CEACAM5: variants seen among roughly 807,000 people sequenced by gnomAD.
The protein encoded by CEACAM5 is cell adhesion molecule CEACAM5.
In CEACAM5, 52 loss-of-function variants were observed where a neutral mutation model predicts 63.0. The observed-to-expected ratio is 0.83, with a 90% CI of 0.66 to 1.04. The LOEUF is 1.04. Among genes scored for constraint, CEACAM5 ranks in the 50% least tolerant of loss-of-function variants. The pLI, the probability that CEACAM5 is intolerant of heterozygous loss-of-function variation, is 0.00. For synonymous variants in CEACAM5, 357 were observed against 351.3 expected (o/e 1.02, Z -0.18); for missense variants, 790 against 864.8 (o/e 0.91, Z 1.08).
chr19:41,728,983 A>T (rs1369894431), intron 9 of CEACAM5, among the ~76,000 whole-genome samples: 1 of 152,090 alleles, frequency 6.6e-6, no homozygotes, highest in African/African-American at 2.4e-5. Flanking sequence ...GTGATGTTAA[A>T]CCTTCTCTAA....
intron 2 of CEACAM5, among the ~76,000 whole-genome samples, chr19:41,712,779 A>G (rs935665090): frequency 3.9e-5 from 6 of 152,250 alleles, no homozygotes; most frequent in African/African-American, 1.4e-4. Context: ...AATTGATCTT[A>G]GATCTTTAGG....
chr19:41,716,663 G>C (rs1198423154), intron 4 of CEACAM5, among the ~76,000 whole-genome samples: 1 of 152,210 alleles, frequency 6.6e-6, no homozygotes, highest in Non-Finnish European at 1.5e-5. Flanking sequence ...ACCCACACTT[G>C]GAGAAATCAG....
intron 2 of CEACAM5, among the ~76,000 whole-genome samples, chr19:41,711,652 C>T (rs1555814092): frequency 6.6e-6 from 1 of 152,166 alleles, no homozygotes; most frequent in Non-Finnish European, 1.5e-5. Context: ...AGCCAAGGGA[C>T]TCCTAGTCCT....
intron 2 of CEACAM5, 137 bp from the exon 3 acceptor site, chr19:41,714,834 T>C: frequency 1.4e-6 from 2 of 1,463,702 alleles, no homozygotes; most frequent in Non-Finnish European, 1.8e-6. Flanking sequence ...GCATCTGTCT[T>C]GTGACACATG....
At chr19:41,718,693 T>C (rs1555815577) in intron 6 of CEACAM5, among the ~76,000 whole-genome samples, 2 of 152,228 alleles carry the variant, frequency 1.3e-5, no homozygotes, top group African/African-American at 2.4e-5. Context: ...AAGTTGCTCC[T>C]CTCTGTCACC....
intron 4 of CEACAM5, 59 bp downstream of exon 4, chr19:41,715,963 AAAC>A: frequency 6.3e-7 from 1 of 1,575,096 alleles, no homozygotes; most frequent in East Asian, 2.2e-5. Flanking sequence ...TCTGGTTTTC[AAAC>A]AAGAGCCAGG....
In CEACAM5 at chr19:41,720,904, T is replaced by C; in HGVS notation, c.1772-18T>C. On this transcript the variant is annotated intron_variant, in intron 7 of 9. Coordinates refer to ENST00000221992, the MANE Select transcript of CEACAM5 (RefSeq NM_004363.6). Reference sequence around the variant, plus strand: ...TCCTCTGATGACATCACCTGTGGCTTTGTTCTCTTTGTTCCAGATGGGCCG... The same window carrying C: ...TCCTCTGATGACATCACCTGTGGCTCTGTTCTCTTTGTTCCAGATGGGCCG... The C allele has an allele frequency of 6.2e-7, 1 of 1,613,678 alleles. No homozygotes were observed. Among genetic ancestry groups the C allele is most frequent in the Non-Finnish European group, 8.5e-7 (1 of 1,179,756 alleles).
Position 41,715,082 on chromosome 19 carries a change from G to C in CEACAM5, c.536G>C (p.Trp179Ser), listed in dbSNP as rs782288851. The C allele has an allele frequency of 2.2e-5, 36 of 1,614,054 alleles. No individual in the cohort carries two copies. The highest frequency in any genetic ancestry group is 3.1e-5 in the Non-Finnish European group (36 of 1,180,030). Residue 179 changes from tryptophan to serine, a missense_variant, in exon 3 of 10, where the codon TGG becomes TCG. Physicochemically the swap from Trp to Ser is radical, Grantham distance 177. Transcript: ENST00000221992. ...ACTCAGGACGCAACCTACCTGTGGTGGGTAAACAATCAGAGCCTCCCGGTC... is the reference window on the plus strand; with the variant it reads ...ACTCAGGACGCAACCTACCTGTGGTCGGTAAACAATCAGAGCCTCCCGGTC... ...PETQDATYLW[W>S]VNNQSLPVSP...
rs782710346 is a variant in CEACAM5, at chr19:41,717,711, C to T, written c.1215C>T (p.Asp405=). The stretch of plus-strand genomic sequence containing the variant: ...ACGAATTAAGTGTTGACCACAGCGA[C>T]CCAGTCATCCTGAATGTCCTCTGTG... ...IQNELSVDHS[D]PVILNVLYGP... Residue 405 remains aspartate (D), a synonymous_variant, in exon 5 of 10, where the codon GAC becomes GAT. Coordinates refer to ENST00000221992, the MANE Select transcript of CEACAM5 (RefSeq NM_004363.6). 2 of 1,614,126 alleles carry T rather than the reference C, an allele frequency of 1.2e-6. No homozygotes were observed. The highest frequency in any genetic ancestry group is 2.2e-5 in the East Asian group (1 of 44,884).
chr19:41,722,103 C>A (rs1232941410), intron 8 of CEACAM5, among the ~76,000 whole-genome samples: 1 of 152,012 alleles, frequency 6.6e-6, no homozygotes, highest in Non-Finnish European at 1.5e-5. Context: ...GCATAAATAT[C>A]AATCAAGTAT....
In CEACAM5 at chr19:41,715,101, C is replaced by T; in HGVS notation, c.555C>T (p.Leu185=). The change falls in exon 3 of 10, where the codon CTC becomes CTT. Residue 185 remains leucine, a synonymous_variant. Coordinates refer to ENST00000221992, the MANE Select transcript of CEACAM5 (RefSeq NM_004363.6). ...TGTGGTGGGTAAACAATCAGAGCCTCCCGGTCAGTCCCAGGCTGCAGCTGT... is the reference window on the plus strand; with the variant it reads ...TGTGGTGGGTAAACAATCAGAGCCTTCCGGTCAGTCCCAGGCTGCAGCTGT... ...TYLWWVNNQS[L]PVSPRLQLSN... is the part of the protein sequence containing the mutation. The T allele has an allele frequency of 1.9e-6, 3 of 1,614,182 alleles. No individual in the cohort carries two copies. The highest frequency in any genetic ancestry group is 2.5e-6 in the Non-Finnish European group (3 of 1,180,032).
At chr19:41,717,797 G>A in intron 5 of CEACAM5, 64 bp downstream of exon 5, 2 of 1,578,358 alleles carry the variant, frequency 1.3e-6, no homozygotes, top group South Asian at 1.2e-5. Flanking sequence ...CCAAAGTCCA[G>A]GCCTCTCAGT....
chr19:41,714,942 G>C, intron 2 of CEACAM5, 29 bp from the exon 3 acceptor site: 5 of 1,613,738 alleles, frequency 3.1e-6, no homozygotes, highest in Non-Finnish European at 4.2e-6. Context: ...GTGCCACACA[G>C]GGCAATCTTC....
rs1390017294 is a variant in CEACAM5 at position 41,710,032 on chromosome 19, G to T, written c.417G>T (p.Arg139=). ...LVNEEATGQF[R]VYPELPKPSI... Reference sequence around the variant, plus strand: ...ATGAAGAAGCAACTGGCCAGTTCCGGGTATACCGTGAGTGATTCCCCCATG... The same window carrying T: ...ATGAAGAAGCAACTGGCCAGTTCCGTGTATACCGTGAGTGATTCCCCCATG... The change falls in exon 2 of 10, where the codon CGG becomes CGT. Residue 139 remains arginine, a synonymous_variant. Transcript: ENST00000221992. 2.5e-6 allele frequency: 4 copies of T among 1,597,652 alleles called. No individual in the cohort carries two copies. Among genetic ancestry groups the T allele is most frequent in the Non-Finnish European group, 1.7e-6 (2 of 1,171,544 alleles).
At chr19:41,721,921 G>A (rs974394370) in intron 8 of CEACAM5, among the ~76,000 whole-genome samples, 2 of 152,348 alleles carry the variant, frequency 1.3e-5, no homozygotes, top group Non-Finnish European at 2.9e-5. Context: ...AGGAAAGTGA[G>A]TGACACACAC....
In CEACAM5 at chr19:41,715,871, A is replaced by G. The variant is rs782392674; in HGVS notation, c.925A>G (p.Asn309Asp). The G allele has an allele frequency of 1.9e-6, 3 of 1,614,180 alleles. No homozygotes were observed. Among genetic ancestry groups the G allele is most frequent in the Non-Finnish European group, 2.5e-6 (3 of 1,180,014 alleles). ...CQAHNSDTGL[N>D]RTTVTTITVY... ...AGCCCATAACTCAGACACTGGCCTC[A>G]ATAGGACCACAGTCACGACGATCAC... is the stretch of plus-strand genomic sequence containing the variant. The change falls in exon 4 of 10, where the codon AAT becomes GAT. Residue 309 changes from asparagine (N) to aspartate (D), a missense_variant. Transcript: ENST00000221992.
intron 2 of CEACAM5, among the ~76,000 whole-genome samples, chr19:41,711,623 C>T (rs368998659): frequency 9.9e-5 from 15 of 152,212 alleles, no homozygotes; most frequent in African/African-American, 3.4e-4. Context: ...TTTCAAGGCT[C>T]CCTGGTCCTG....
rs1555815303 is a variant in CEACAM5, at chr19:41,717,668, A to G, written c.1172A>G (p.Tyr391Cys). The G allele has an allele frequency of 1.9e-6, 3 of 1,614,088 alleles. No homozygotes were observed. Among genetic ancestry groups the G allele is most frequent in the South Asian group, 2.2e-5 (2 of 91,090 alleles). The change falls in exon 5 of 10, where the codon TAT becomes TGT. Residue 391 changes from tyrosine to cysteine, a missense_variant. By Grantham distance (194) the Tyr-to-Cys change is radical. Coordinates refer to ENST00000221992, the MANE Select transcript of CEACAM5 (RefSeq NM_004363.6). ...GTCACAAGGAATGATGTAGGACCCT[A>G]TGAGTGTGGAATCCAGAACGAATTA... ...LSVTRNDVGP[Y>C]ECGIQNELSV...
At chr19:41,708,892 C>CCCT in intron 1 of CEACAM5, 97 bp downstream of exon 1, 3 of 834,942 alleles carry the variant, frequency 3.6e-6, no homozygotes, top group Non-Finnish European at 5.7e-6. Context: ...CCTGTTGGAG[C>CCCT]CTGAATAGGG....
Sources: allele counts gnomAD v4.1 joint callset (sites outside exome capture counted in the v4.1 genomes callset), GRCh38; gene constraint gnomAD v4.1.1; transcripts MANE v1.5; gene names NCBI Gene and HGNC (gene_info 2026-07-23, HGNC 2026-07-21).